The following C6orf163 variants were observed in gnomAD, a reference collection of about 807,000 sequenced individuals.
C6orf163 encodes chromosome 6 open reading frame 163.
Under a neutral mutation model 28.4 loss-of-function variants are expected in C6orf163, and 22 were observed. That is an observed-to-expected ratio of 0.78 (90% CI 0.55 to 1.11). C6orf163 has a LOEUF of 1.11. Among genes scored for constraint, C6orf163 ranks in the 50% least tolerant of loss-of-function variants. C6orf163 has a pLI of 0.00. For missense variants in C6orf163, 342 were observed against 389.1 expected (o/e 0.88, Z 1.02); for synonymous variants, 110 against 123.6 (o/e 0.89, Z 0.73).
chr6:87,354,884 A>C (rs1047535648), intron 3 of C6orf163, among the ~76,000 whole-genome samples: 1 of 152,228 alleles, frequency 6.6e-6, no homozygotes, highest in African/African-American at 2.4e-5. Flanking sequence ...ACTTTCTCTC[A>C]GCTTCAGCTG....
rs368798469 is a variant in C6orf163 at position 87,364,717 on chromosome 6, G to A, written c.555-244G>A. On this transcript the variant is annotated intron_variant, in intron 4 of 4. Transcript: ENST00000388923. ...GTGATCTCAGGTTCCTAAAGTTGCCGTTAGAAGTTAGACTAGTGGCCTCAC... is the reference window on the plus strand; with the variant it reads ...GTGATCTCAGGTTCCTAAAGTTGCCATTAGAAGTTAGACTAGTGGCCTCAC... 2.5e-4 allele frequency among the ~76,000 whole-genome samples: 38 copies of A among 152,258 alleles called. 2 individuals are homozygous for A. The highest frequency in any genetic ancestry group is 1.6e-3 in the Admixed American group (24 of 15,282).
intron 4 of C6orf163, among the ~76,000 whole-genome samples, chr6:87,363,921 T>G (rs1447887772): frequency 6.6e-6 from 1 of 152,138 alleles, no homozygotes; most frequent in African/African-American, 2.4e-5. Flanking sequence ...ATGTGTGATA[T>G]CACAATAAAT....
intron 1 of C6orf163, among the ~76,000 whole-genome samples, chr6:87,346,721 C>T (rs1777329463): frequency 6.6e-6 from 1 of 152,204 alleles, no homozygotes; most frequent in African/African-American, 2.4e-5. Context: ...TATCCAAACA[C>T]AGACCCACTG....
intron 4 of C6orf163, among the ~76,000 whole-genome samples, chr6:87,363,567 G>A (rs11751083): frequency 6.6e-6 from 1 of 151,634 alleles, no homozygotes; most frequent in African/African-American, 2.4e-5. Flanking sequence ...TCATTGTTCA[G>A]TTCCTACCTA....
chr6:87,352,338 G>A (rs1383454313), intron 3 of C6orf163, among the ~76,000 whole-genome samples: 3 of 152,114 alleles, frequency 2.0e-5, no homozygotes, highest in African/African-American at 7.2e-5. Context: ...GCCTCATTCT[G>A]ACCTACAGAC....
At chr6:87,356,084 C>T (rs1014858819) in intron 3 of C6orf163, 18 of 523,094 alleles carry the variant, frequency 3.4e-5, no homozygotes, top group African/African-American at 1.3e-4. Context: ...ATATTATCTA[C>T]GTAGATATTT....
At chr6:87,356,647 G>T (rs1330761191) in intron 4 of C6orf163, 144 bp downstream of exon 4, 13 of 719,434 alleles carry the variant, frequency 1.8e-5, no homozygotes, top group Non-Finnish European at 3.0e-5. Context: ...CAAACATAGG[G>T]AACAATTTAT....
chr6:87,348,673 A>G (rs1001289908), intron 1 of C6orf163, 139 bp from the exon 2 acceptor site: 4 of 1,412,680 alleles, frequency 2.8e-6, no homozygotes, highest in African/African-American at 1.5e-5. Flanking sequence ...TTCAATGGGT[A>G]TCTTTGAAAT....
intron 1 of C6orf163, chr6:87,347,644 A>G: frequency 3.0e-6 from 3 of 985,334 alleles, no homozygotes; most frequent in Non-Finnish European, 3.6e-6. Context: ...AGTGACAGAA[A>G]CATAACTCAG....
chr6:87,364,404 T>C lies in C6orf163; in HGVS notation c.555-557T>C, dbSNP rs186100735. 2.0e-5 allele frequency among the ~76,000 whole-genome samples: 3 copies of C among 152,366 alleles called. No homozygotes were observed. The East Asian group carries it at 5.8e-4, about 29-fold the overall frequency. The stretch of plus-strand genomic sequence containing the variant: ...CCCTTTTAGTTTATATAACTGTTAA[T>C]GTCAATGCCTATAACTCATATAAAC... On this transcript the variant is annotated intron_variant, in intron 4 of 4. Transcript: ENST00000388923.
At chr6:87,354,371 G>A (rs1777466200) in intron 3 of C6orf163, among the ~76,000 whole-genome samples, 1 of 152,194 alleles carries the variant, frequency 6.6e-6, no homozygotes, top group Admixed American at 6.5e-5. Context: ...ATTTATGACA[G>A]ATACAAGGGG....
At chr6:87,357,350 G>A (rs998650910) in intron 4 of C6orf163, 1 of 152,166 alleles carries the variant, frequency 6.6e-6, no homozygotes, top group African/African-American at 2.4e-5. Flanking sequence ...CTGATTTGTA[G>A]CAGCAGAGCT....
chr6:87,355,639 T>C (rs1777489120), intron 3 of C6orf163, among the ~76,000 whole-genome samples: 2 of 152,230 alleles, frequency 1.3e-5, no homozygotes, highest in Non-Finnish European at 2.9e-5. Flanking sequence ...TATAATGTTA[T>C]ATTTCTACAT....
chr6:87,351,011 C>T (rs972613200), intron 3 of C6orf163, among the ~76,000 whole-genome samples: 8 of 152,144 alleles, frequency 5.3e-5, no homozygotes, highest in Non-Finnish European at 1.0e-4. Flanking sequence ...TTTGCATTTA[C>T]TGTACTGCTA....
At chr6:87,356,097 G>T in intron 3 of C6orf163, 1 of 546,038 alleles carries the variant, frequency 1.8e-6, no homozygotes, top group Non-Finnish European at 3.3e-6. Flanking sequence ...AGATATTTAT[G>T]CTACATAGTT....
At chr6:87,358,909 A>T (rs891934597) in intron 4 of C6orf163, among the ~76,000 whole-genome samples, 1 of 152,174 alleles carries the variant, frequency 6.6e-6, no homozygotes, top group African/African-American at 2.4e-5. Context: ...GCCTGATTTG[A>T]ACCCTGGCCT....
At chr6:87,349,913 T>C (rs977889527) in intron 2 of C6orf163, among the ~76,000 whole-genome samples, 1 of 152,224 alleles carries the variant, frequency 6.6e-6, no homozygotes, top group East Asian at 1.9e-4. Context: ...GGTCTAATGT[T>C]CTGTGTATTC....
intron 3 of C6orf163, among the ~76,000 whole-genome samples, chr6:87,351,872 T>A (rs756398526): frequency 5.9e-5 from 9 of 152,186 alleles, no homozygotes; most frequent in Non-Finnish European, 8.8e-5. Flanking sequence ...CAGAGGCCAT[T>A]CAGATAGGTG....
chr6:87,355,129 C>T (rs1475915707), intron 3 of C6orf163, among the ~76,000 whole-genome samples: 1 of 152,212 alleles, frequency 6.6e-6, no homozygotes. Flanking sequence ...TGAAAGACTC[C>T]AGCATCACAG....
Sources: allele counts gnomAD v4.1 joint callset (sites outside exome capture counted in the v4.1 genomes callset), GRCh38; gene constraint gnomAD v4.1.1; transcripts MANE v1.5; gene names NCBI Gene and HGNC (gene_info 2026-07-23, HGNC 2026-07-21).